Variants in CNTN4 observed in about 807,000 individuals in gnomAD.
The protein encoded by CNTN4 is contactin-4.
Under a neutral mutation model 122.5 loss-of-function variants are expected in CNTN4, and 77 were observed. That is an observed-to-expected ratio of 0.63 (90% confidence interval 0.52 to 0.76). CNTN4 has a LOEUF of 0.76. CNTN4 is among the 30% of genes least tolerant of loss of function. CNTN4 has a pLI of 0.00. For missense variants in CNTN4, 1,256 were observed against 1,259.1 expected (o/e 1.00, Z 0.04); for synonymous variants, 512 against 447.0 (o/e 1.15, Z -1.83).
chr3:2,797,099 G>A (rs890814415), intron 6 of CNTN4, among the ~76,000 whole-genome samples: 3 of 152,116 alleles, frequency 2.0e-5, no homozygotes, highest in Non-Finnish European at 4.4e-5. Flanking sequence ...CTCCTGGGCT[G>A]AAGTGATCCT....
chr3:2,655,161 T>C (rs1286384313), intron 4 of CNTN4, among the ~76,000 whole-genome samples: 1 of 152,192 alleles, frequency 6.6e-6, no homozygotes, highest in Non-Finnish European at 1.5e-5. Context: ...TTTGTTTTAT[T>C]CCTCCTCCCT....
intron 4 of CNTN4, chr3:2,735,865 A>G: frequency 2.3e-6 from 1 of 439,094 alleles, no homozygotes; most frequent in Non-Finnish European, 4.5e-6. Flanking sequence ...ATCCACAATG[A>G]CAGTAGCACA....
chr3:2,717,455 G>C (rs2087566416), intron 4 of CNTN4, among the ~76,000 whole-genome samples: 2 of 152,238 alleles, frequency 1.3e-5, no homozygotes, highest in South Asian at 4.1e-4. Context: ...TGTTTTATGT[G>C]CATCTCCTGG....
chr3:2,857,640 C>T (rs914157980), intron 7 of CNTN4, among the ~76,000 whole-genome samples: 13 of 152,018 alleles, frequency 8.6e-5, no homozygotes, highest in Admixed American at 1.3e-4. Flanking sequence ...TAAAGTGGTG[C>T]GATTATGGTT....
chr3:2,400,071 T>C (rs1485838264), intron 3 of CNTN4, among the ~76,000 whole-genome samples: 2 of 152,010 alleles, frequency 1.3e-5, no homozygotes, highest in Non-Finnish European at 2.9e-5. Flanking sequence ...AGGAAATATT[T>C]ATGTAAGTAA....
chr3:2,432,428 C>T (rs1414432570), intron 3 of CNTN4, among the ~76,000 whole-genome samples: 3 of 151,940 alleles, frequency 2.0e-5, no homozygotes, highest in Non-Finnish European at 4.4e-5. Context: ...ATTGAGGTGC[C>T]AAGATAGAGA....
At chr3:2,191,698 A>ATG (rs1215939023) in intron 2 of CNTN4, among the ~76,000 whole-genome samples, 1 of 30,550 alleles carries the variant, frequency 3.3e-5, no homozygotes, top group Non-Finnish European at 8.3e-5. Context: ...TTCTATGTAT[A>ATG]TATATATATA....
At chr3:2,983,085 G>A (rs1694188915) in intron 13 of CNTN4, among the ~76,000 whole-genome samples, 1 of 151,148 alleles carries the variant, frequency 6.6e-6, no homozygotes, top group Non-Finnish European at 1.5e-5. Context: ...ATGGTGGCGG[G>A]TGCCTGTAGT....
intron 13 of CNTN4, among the ~76,000 whole-genome samples, chr3:2,932,157 C>G (rs2094526267): frequency 1.3e-5 from 2 of 152,102 alleles, no homozygotes; most frequent in African/African-American, 4.8e-5. Context: ...GCAGGCGGAT[C>G]ACGAGGTCAG....
chr3:2,540,654 A>G (rs971594401), intron 3 of CNTN4, among the ~76,000 whole-genome samples: 4 of 152,132 alleles, frequency 2.6e-5, no homozygotes, highest in Admixed American at 2.6e-4. Flanking sequence ...ATAGATATTA[A>G]ATAGTCAATT....
At chr3:2,510,129 G>T (rs566122846) in intron 3 of CNTN4, among the ~76,000 whole-genome samples, 3 of 152,074 alleles carry the variant, frequency 2.0e-5, no homozygotes, top group Non-Finnish European at 4.4e-5. Context: ...GCCCCTAAAG[G>T]TAACAAAGAC....
At chr3:2,205,852 A>G (rs571877079) in intron 2 of CNTN4, among the ~76,000 whole-genome samples, 2 of 152,244 alleles carry the variant, frequency 1.3e-5, no homozygotes, top group African/African-American at 2.4e-5. Flanking sequence ...TGAGTGGATA[A>G]AATGGTGTAT....
intron 2 of CNTN4, among the ~76,000 whole-genome samples, chr3:2,197,987 C>A (rs1442978440): frequency 6.6e-6 from 1 of 150,434 alleles, no homozygotes; most frequent in Non-Finnish European, 1.5e-5. Context: ...TGCACTCCCA[C>A]CTGGGCAACA....
At chr3:2,492,767 T>G (rs1218463555) in intron 3 of CNTN4, among the ~76,000 whole-genome samples, 2 of 152,162 alleles carry the variant, frequency 1.3e-5, no homozygotes, top group Non-Finnish European at 2.9e-5. Context: ...GCAAATAAAC[T>G]TGGATTAGCT....
chr3:3,045,439 G>A (rs796779229), intron 23 of CNTN4, among the ~76,000 whole-genome samples: 2 of 152,308 alleles, frequency 1.3e-5, no homozygotes, highest in African/African-American at 4.8e-5. Context: ...AACTTCCAGA[G>A]GAACGATCAG....
At chr3:2,160,729 G>A (rs73095895) in intron 2 of CNTN4, among the ~76,000 whole-genome samples, 2,285 of 152,232 alleles carry the variant, frequency 0.015, 67 homozygotes, top group African/African-American at 0.052. Context: ...CTTGGCATCT[G>A]TTGTCATTTG....
In CNTN4 at chr3:3,056,305, T is replaced by C; in HGVS notation, c.*85T>C. The C allele has an allele frequency of 9.9e-7, 1 of 1,008,440 alleles. No individual in the cohort carries two copies. Among genetic ancestry groups the C allele is most frequent in the South Asian group, 1.3e-5 (1 of 77,286 alleles). The allele number at this position is 1,008,440 out of a possible 1,614,324, so 62.5% of individuals were successfully genotyped here. Reference sequence around the variant, plus strand: ...GAAGACACCCAGTACTAAGTAATATTGTTGTTCAAGTACATCTTATTACTG... The same window carrying C: ...GAAGACACCCAGTACTAAGTAATATCGTTGTTCAAGTACATCTTATTACTG... On this transcript the variant is annotated 3_prime_UTR_variant, in exon 25 of 25. Transcript: ENST00000418658.
At chr3:2,622,088 C>T (rs1338130352) in intron 4 of CNTN4, among the ~76,000 whole-genome samples, 1 of 152,154 alleles carries the variant, frequency 6.6e-6, no homozygotes, top group Non-Finnish European at 1.5e-5. Context: ...TGTTGGAAAA[C>T]ACCCCCTTTC....
chr3:3,003,355 T>C (rs1177532973), intron 14 of CNTN4, among the ~76,000 whole-genome samples: 2 of 152,192 alleles, frequency 1.3e-5, no homozygotes, highest in Admixed American at 6.5e-5. Flanking sequence ...CATCAGCTGA[T>C]GAATGGATAA....
Sources: allele counts gnomAD v4.1 joint callset (sites outside exome capture counted in the v4.1 genomes callset), GRCh38; gene constraint gnomAD v4.1.1; transcripts MANE v1.5; gene names NCBI Gene and HGNC (gene_info 2026-07-23, HGNC 2026-07-21).